Variants in AHCTF1 observed in about 807,000 individuals in gnomAD.
AHCTF1 encodes protein ELYS.
In AHCTF1, 24 loss-of-function variants were observed where a neutral mutation model predicts 248.4. That is an observed-to-expected ratio of 0.10 (90% CI 0.07 to 0.14). AHCTF1 has a LOEUF of 0.14. Ranked by LOEUF, AHCTF1 falls within the 10% of genes least tolerant of loss-of-function variation. The probability of loss-of-function intolerance (pLI) is 1.00; values close to 1 mark genes in which losing one functional copy is unlikely to be tolerated. For synonymous variants in AHCTF1, 786 were observed against 929.8 expected (o/e 0.85, Z 2.81); for missense variants, 2,206 against 2,636.2 (o/e 0.84, Z 3.57).
In AHCTF1 at chr1:246,912,463, C is replaced by A. The variant is rs568243525; in HGVS notation, c.556+769G>T. On this transcript the variant is annotated intron_variant, in intron 4 of 35. Coordinates refer to ENST00000648844, the MANE Select transcript of AHCTF1 (RefSeq NM_001323342.2). Reference sequence around the variant, plus strand: ...ACGCCACTGCACTCCAGCCTGGCAACAGAGCGAGACGCCGTCTCCAAAAAA... The same window carrying A: ...ACGCCACTGCACTCCAGCCTGGCAAAAGAGCGAGACGCCGTCTCCAAAAAA... 7.3e-3 allele frequency among the ~76,000 whole-genome samples: 1,096 copies of A among 150,712 alleles called. 14 individuals carry two copies. The highest frequency in any genetic ancestry group is 0.025 in the African/African-American group (1,003 of 40,884).
In AHCTF1 at chr1:246,841,040, T is replaced by C. The variant is rs755661466; in HGVS notation, c.6609-42A>G. ...TGATCAAGTAAGAATAAACACATTA[T>C]GCTATAAAATAAAATTGGCTTCCCA... On this transcript the variant is annotated intron_variant, in intron 35 of 35. Transcript: ENST00000648844. The C allele has an allele frequency of 7.3e-6, 11 of 1,516,588 alleles. No individual in the cohort carries two copies. The East Asian group carries it at 2.6e-4, about 36-fold the overall frequency. The allele number at this position is 1,516,588 out of a possible 1,614,324, so 93.9% of individuals were successfully genotyped here.
At chr1:246,913,125 T>C (rs944158471) in intron 4 of AHCTF1, 107 bp downstream of exon 4, 22 of 880,996 alleles carry the variant, frequency 2.5e-5, no homozygotes, top group Non-Finnish European at 3.1e-5. Flanking sequence ...TAGGAAGATA[T>C]CTTTTATTTT....
Position 246,851,138 on chromosome 1 carries a change from T to C in AHCTF1, c.4868A>G (p.Glu1623Gly), listed in dbSNP as rs1428073861. The C allele has an allele frequency of 1.9e-6, 3 of 1,613,938 alleles. No homozygotes were observed. Among genetic ancestry groups the C allele is most frequent in the African/African-American group, 1.3e-5 (1 of 75,040 alleles). Residue 1623 changes from glutamate (E) to glycine (G), a missense_variant, in exon 33 of 36, where the codon GAA (glutamate) becomes GGA (glycine). This residue lies in a region of AHCTF1 where 955 missense variants were observed against 1,055.6 expected (regional missense o/e 0.90). Transcript: ENST00000648844. ...TTCCCCACTGCATACAAGTTTTTCT[T>C]CAGTTGCTGTGTTAGCTGCTTTAGG... Reference protein sequence around the residue: ...VLPKAANTATEEKLVCSGEND... With the variant: ...VLPKAANTATGEKLVCSGEND...
chr1:246,864,522 T>C (rs1255356055), intron 26 of AHCTF1, among the ~76,000 whole-genome samples: 1 of 152,140 alleles, frequency 6.6e-6, no homozygotes, highest in African/African-American at 2.4e-5. Context: ...TTCACCTACA[T>C]GTAATATATA....
intron 1 of AHCTF1, among the ~76,000 whole-genome samples, chr1:246,921,699 T>C (rs1666560943): frequency 6.6e-6 from 1 of 152,168 alleles, no homozygotes; most frequent in Non-Finnish European, 1.5e-5. Context: ...ACAACAGTAG[T>C]AGAAACCGCA....
chr1:246,914,331 G>T (rs1283435658), intron 3 of AHCTF1, among the ~76,000 whole-genome samples: 1 of 152,162 alleles, frequency 6.6e-6, no homozygotes, highest in African/African-American at 2.4e-5. Flanking sequence ...TTCTCAACCT[G>T]TACTGATGAA....
At chr1:246,843,643 G>T in intron 34 of AHCTF1, 152 bp downstream of exon 34, 1 of 639,334 alleles carries the variant, frequency 1.6e-6, no homozygotes, top group Non-Finnish European at 2.1e-6. Context: ...TTTGGCTTTT[G>T]GTATGCATGA....
chr1:246,868,239 C>T (rs1270001550), intron 24 of AHCTF1, among the ~76,000 whole-genome samples: 1 of 151,912 alleles, frequency 6.6e-6, no homozygotes, highest in Admixed American at 6.6e-5. Flanking sequence ...AGTGATTTTC[C>T]TGCCTTAGCC....
intron 1 of AHCTF1, among the ~76,000 whole-genome samples, chr1:246,928,573 GT>G (rs1401398815): frequency 6.6e-6 from 1 of 152,084 alleles, no homozygotes; most frequent in Non-Finnish European, 1.5e-5. Flanking sequence ...TTATTTTTAA[GT>G]ATACACTGGT....
intron 33 of AHCTF1, among the ~76,000 whole-genome samples, chr1:246,847,160 G>T (rs1660328554): frequency 6.6e-6 from 1 of 151,882 alleles, no homozygotes. Context: ...GTGGTGGCAA[G>T]CACCTGTAAT....
At position 246,855,807 on chromosome 1, in the gene AHCTF1, G is replaced by C. The variant is rs1661073839; in HGVS notation, c.4277C>G (p.Ser1426Cys). The change falls in exon 31 of 36, where the codon TCC becomes TGC. Residue 1426 changes from serine to cysteine, a missense_variant. Around this residue, in one of 6 missense-constraint regions of AHCTF1, gnomAD observed 955 missense variants for 1,055.6 expected, o/e 0.90. Coordinates refer to ENST00000648844, the MANE Select transcript of AHCTF1 (RefSeq NM_001323342.2). Reference protein sequence around the residue: ...VYEGKIFTQKSKVPVLDEGLT... With the variant: ...VYEGKIFTQKCKVPVLDEGLT... ...TCCTTCGTCCAACACTGGTACCTTG[G>C]ACTTCTGGGTGAAGATTTTCCTTTA... 1 of 1,612,712 alleles carries C rather than the reference G, an allele frequency of 6.2e-7. No homozygotes were observed. Among genetic ancestry groups the C allele is most frequent in the African/African-American group, 1.3e-5 (1 of 74,842 alleles).
At position 246,867,240 on chromosome 1, in the gene AHCTF1, T is replaced by A; in HGVS notation, c.3347+4A>T. On this transcript the variant is annotated splice_donor_region_variant and intron_variant, in intron 26 of 35. Coordinates refer to ENST00000648844, the MANE Select transcript of AHCTF1 (RefSeq NM_001323342.2). Reference sequence around the variant, plus strand: ...TCTCTAAGAATGATTTAATAAACTCTTACCTAGAAATTTTTTGTGATGCTT... The same window carrying A: ...TCTCTAAGAATGATTTAATAAACTCATACCTAGAAATTTTTTGTGATGCTT... 1 of 1,559,948 alleles carries A rather than the reference T, an allele frequency of 6.4e-7. No homozygotes were observed. The highest frequency in any genetic ancestry group is 8.8e-7 in the Non-Finnish European group (1 of 1,141,198).
In AHCTF1 at chr1:246,869,030, G is replaced by C. The variant is rs577813788; in HGVS notation, c.3089-1219C>G. Among the ~76,000 whole-genome samples, 312 of 151,418 alleles carry C rather than the reference G, an allele frequency of 2.1e-3. 4 individuals carry two copies. Among genetic ancestry groups the C allele is most frequent in the African/African-American group, 7.1e-3 (291 of 41,048 alleles). ...TGGCTAACTTTTTCTATTTTTAGTA[G>C]AGACGGGGTTTCACCATGTTGGCCA... On this transcript the variant is annotated intron_variant, in intron 24 of 35. Coordinates refer to ENST00000648844, the MANE Select transcript of AHCTF1 (RefSeq NM_001323342.2).
chr1:246,908,130 G>A (rs2011875), intron 4 of AHCTF1, among the ~76,000 whole-genome samples: 6,414 of 151,972 alleles, frequency 0.042, 464 homozygotes, highest in African/African-American at 0.15. Flanking sequence ...TCCGGGTCAG[G>A]GGGAAGAAAA....
intron 29 of AHCTF1, among the ~76,000 whole-genome samples, chr1:246,859,671 G>C (rs1661381110): frequency 6.6e-6 from 1 of 152,108 alleles, no homozygotes; most frequent in South Asian, 2.1e-4. Context: ...GACCTCCTGG[G>C]TCCAAGCGAT....
intron 3 of AHCTF1, among the ~76,000 whole-genome samples, chr1:246,914,342 T>C (rs1309601166): frequency 6.6e-6 from 1 of 152,208 alleles, no homozygotes; most frequent in African/African-American, 2.4e-5. Context: ...TACTGATGAA[T>C]GTTCTGGCAA....
intron 24 of AHCTF1, among the ~76,000 whole-genome samples, chr1:246,872,905 A>G (rs1452649368): frequency 6.6e-6 from 1 of 152,206 alleles, no homozygotes; most frequent in Non-Finnish European, 1.5e-5. Context: ...AGCTTCACCC[A>G]TATTAACCTA....
At chr1:246,844,764 A>G (rs1222625069) in intron 33 of AHCTF1, among the ~76,000 whole-genome samples, 1 of 151,940 alleles carries the variant, frequency 6.6e-6, no homozygotes, top group African/African-American at 2.4e-5. Context: ...TTAAACAACA[A>G]TTGGTTTAAA....
At chr1:246,885,225 C>T (rs1030935535) in intron 21 of AHCTF1, among the ~76,000 whole-genome samples, 17 of 152,144 alleles carry the variant, frequency 1.1e-4, no homozygotes, top group Admixed American at 1.1e-3. Context: ...GTTCCAGGAT[C>T]CCCATGGATA....
Sources: allele counts gnomAD v4.1 joint callset (sites outside exome capture counted in the v4.1 genomes callset), GRCh38; gene constraint gnomAD v4.1.1; regional missense constraint gnomAD v4.1.1; transcripts MANE v1.5; gene names NCBI Gene and HGNC (gene_info 2026-07-23, HGNC 2026-07-21).